Variants in HEATR4 observed in about 807,000 individuals in gnomAD.
HEATR4 encodes the protein HEAT repeat containing 4, also known as HEAT repeat-containing protein 4.
A neutral mutation model predicts 108.8 loss-of-function variants in HEATR4; 95 were observed. That is an observed-to-expected ratio of 0.87 (90% confidence interval 0.74 to 1.04). HEATR4 has a LOEUF of 1.04. Ranked by LOEUF, HEATR4 falls within the 50% of genes least tolerant of loss-of-function variation. The pLI, the probability that HEATR4 is intolerant of heterozygous loss-of-function variation, is 0.00. For missense variants in HEATR4, 1,152 were observed against 1,253.8 expected (o/e 0.92, Z 1.23); for synonymous variants, 443 against 459.4 (o/e 0.96, Z 0.46).
intron 1 of HEATR4, chr14:73,531,132 C>T (rs1441500231): frequency 8.9e-6 from 1 of 112,646 alleles, no homozygotes; most frequent in Non-Finnish European, 1.9e-5. Flanking sequence ...GGCAAAGGAG[C>T]AGTGTTTCAA....
the HEATR4 span, chr14:73,619,717 A>G: frequency 9.3e-6 from 15 of 1,614,162 alleles, no homozygotes; most frequent in Admixed American, 1.7e-5. Flanking sequence ...GGGTGAGGCA[A>G]TATTCTATGG....
the HEATR4 span, chr14:73,617,051 C>G: frequency 4.1e-6 from 5 of 1,221,430 alleles, no homozygotes; most frequent in African/African-American, 7.5e-5. Flanking sequence ...TTTGTGAATA[C>G]AGGGCCAGCC....
At chr14:73,558,624 G>C (rs965535164) in intron 1 of HEATR4, 127 bp downstream of exon 1, 1 of 148,066 alleles carries the variant, frequency 6.8e-6, no homozygotes, top group Non-Finnish European at 1.5e-5. Flanking sequence ...CCAAAATGCT[G>C]GGAATACAGG....
rs754109517 is a variant in HEATR4, at chr14:73,522,751, C to CAGGG, written c.398_401dup (p.Ala135ProfsTer63). 4 of 1,614,094 alleles carry CAGGG rather than the reference C, an allele frequency of 2.5e-6. No individual in the cohort carries two copies. In the Admixed American group the frequency reaches 5.0e-5, roughly 20 times the overall value. On this transcript the variant is annotated frameshift_variant, in exon 3 of 18. Coordinates refer to ENST00000553558, the MANE Select transcript of HEATR4 (RefSeq NM_001220484.1). LOFTEE classifies it high-confidence loss of function. ...TGGCAGAGCTTTCTGTCTTCACAGC[C>CAGGG]AGGGAGGTGTCTCCTGTTAAGGGAC...
chr14:73,557,088 A>G lies in HEATR4; in HGVS notation c.-152+1663T>C, dbSNP rs1391597633. Among the ~76,000 whole-genome samples the G allele has an allele frequency of 5.3e-5, 6 of 113,758 alleles. 2 individuals are homozygous for G. Among genetic ancestry groups the G allele is most frequent in the Non-Finnish European group, 1.2e-4 (6 of 51,942 alleles). The allele number at this position is 113,758 out of a possible 152,430, so 74.6% of individuals were successfully genotyped here. On this transcript the variant is annotated intron_variant, in intron 1 of 17. Coordinates refer to ENST00000553558, the MANE Select transcript of HEATR4 (RefSeq NM_001220484.1). ...AGGTCCGGGGTCCTTTTGTACATAG[A>G]CAGCATAAAAAATTGACTAAGTCAA...
intron 9 of HEATR4, among the ~76,000 whole-genome samples, chr14:73,506,802 C>CTTTTTTT (rs1470976246): frequency 1.6e-3 from 92 of 57,896 alleles, no homozygotes; most frequent in East Asian, 2.8e-3. Flanking sequence ...CTGACTTTAA[C>CTTTTTTT]TGTTTTTTTT....
the HEATR4 span, among the ~76,000 whole-genome samples, chr14:73,566,551 C>A: frequency 2.4e-4 from 36 of 152,308 alleles, no homozygotes; most frequent in African/African-American, 7.7e-4. Context: ...GGGGACCCAG[C>A]ACACCCTCCG....
chr14:73,569,303 G>T, the HEATR4 span: 187 of 1,613,760 alleles, frequency 1.2e-4, 1 homozygote, highest in Non-Finnish European at 1.5e-4. Context: ...AATTCAAAAT[G>T]GCCTCATCTC....
chr14:73,493,754 C>T (rs1388003013), intron 16 of HEATR4, among the ~76,000 whole-genome samples: 1 of 152,186 alleles, frequency 6.6e-6, no homozygotes, highest in Non-Finnish European at 1.5e-5. Flanking sequence ...AGGAGGATCA[C>T]TTGAACCTGG....
chr14:73,488,019 A>G (rs1885517095), intron 17 of HEATR4, among the ~76,000 whole-genome samples: 1 of 152,190 alleles, frequency 6.6e-6, no homozygotes, highest in African/African-American at 2.4e-5. Context: ...GGATTTGTCA[A>G]TGGGGCACCT....
At chr14:73,595,631 A>G in the HEATR4 span, 1 of 1,526,044 alleles carries the variant, frequency 6.6e-7, no homozygotes, top group South Asian at 1.3e-5. Context: ...AGGTACCCAG[A>G]AAACAGCTGT....
chr14:73,550,264 A>G (rs1889299209), intron 1 of HEATR4, among the ~76,000 whole-genome samples: 1 of 113,390 alleles, frequency 8.8e-6, no homozygotes, highest in South Asian at 2.8e-4. Context: ...CTCGGGATGC[A>G]GCGACCATGG....
chr14:73,512,281 G>A, intron 6 of HEATR4, 132 bp from the exon 7 acceptor site: 2 of 987,784 alleles, frequency 2.0e-6, no homozygotes, highest in South Asian at 1.7e-5. Flanking sequence ...AAGAATAAAG[G>A]GCCCAGAGAT....
At position 73,509,402 on chromosome 14, in the gene HEATR4, G is replaced by A; in HGVS notation, c.1630C>T (p.His544Tyr). The change falls in exon 8 of 18, where the codon CAT becomes TAT. Residue 544 changes from histidine (H) to tyrosine (Y), a missense_variant. Transcript: ENST00000553558. ...CATATTGCTGCTGCCATCCGCACATGGGCATTCTTGTCACAAAGAGCAGCC... is the reference window on the plus strand; with the variant it reads ...CATATTGCTGCTGCCATCCGCACATAGGCATTCTTGTCACAAAGAGCAGCC... ...LEAALCDKNA[H>Y]VRMAAAICQY... 1 of 1,614,076 alleles carries A rather than the reference G, an allele frequency of 6.2e-7. No individual in the cohort carries two copies. The highest frequency in any genetic ancestry group is 8.5e-7 in the Non-Finnish European group (1 of 1,180,000).
At chr14:73,579,568 C>A in the HEATR4 span, among the ~76,000 whole-genome samples, 2 of 121,398 alleles carry the variant, frequency 1.6e-5, no homozygotes, top group Non-Finnish European at 3.4e-5. Flanking sequence ...GGGCAAAAGC[C>A]GTCTCAAAAA....
intron 1 of HEATR4, among the ~76,000 whole-genome samples, chr14:73,530,794 A>ATTTTTTTTTTTTT (rs59208614): frequency 1.7e-5 from 1 of 57,788 alleles, no homozygotes; most frequent in Non-Finnish European, 3.2e-5. Context: ...TCTCGGTTAA[A>ATTTTTTTTTTTTT]TTTTTTTTTT....
In HEATR4 at chr14:73,492,752, C is replaced by T. The variant is rs748576282; in HGVS notation, c.2844+314G>A. On this transcript the variant is annotated intron_variant, in intron 17 of 17. Coordinates refer to ENST00000553558, the MANE Select transcript of HEATR4 (RefSeq NM_001220484.1). The surrounding 1 kb of genome is among the most constrained non-coding windows in gnomAD (Gnocchi z 4.9). ...AGTGGAAAACTCCCGTGTGTATCAT[C>T]TGGAAGAACCCAAGTGCTTGGAAAT... The T allele has an allele frequency of 9.9e-6, 16 of 1,613,850 alleles. No individual in the cohort carries two copies. Among genetic ancestry groups the T allele is most frequent in the African/African-American group, 1.3e-5 (1 of 74,910 alleles).
chr14:73,573,333 A>G, the HEATR4 span: 4 of 1,611,034 alleles, frequency 2.5e-6, no homozygotes, highest in Non-Finnish European at 3.4e-6. Flanking sequence ...AACTTAAACC[A>G]TCCAACTGTT....
chr14:73,586,632 G>T, the HEATR4 span, among the ~76,000 whole-genome samples: 1 of 151,522 alleles, frequency 6.6e-6, no homozygotes, highest in Non-Finnish European at 1.5e-5. Flanking sequence ...CTTGAACCCA[G>T]GAGGTGGAGG....
Sources: allele counts gnomAD v4.1 joint callset (sites outside exome capture counted in the v4.1 genomes callset), GRCh38; gene constraint gnomAD v4.1.1; non-coding constraint Gnocchi (gnomAD v3.1); transcripts MANE v1.5; gene names NCBI Gene and HGNC (gene_info 2026-07-23, HGNC 2026-07-21).